Variants in TMEM132D observed in about 807,000 individuals in gnomAD.
TMEM132D encodes the protein transmembrane protein 132D.
A neutral mutation model predicts 62.3 loss-of-function variants in TMEM132D; 21 were observed. That is an observed-to-expected ratio of 0.34 (90% CI 0.24 to 0.49). TMEM132D has a LOEUF of 0.49. Ranked by LOEUF, TMEM132D falls within the 20% of genes least tolerant of loss-of-function variation. TMEM132D has a pLI of 0.99. For missense variants in TMEM132D, 1,346 were observed against 1,402.8 expected, an observed-to-expected ratio of 0.96 and a Z score of 0.65; for synonymous variants, 621 against 575.6, an observed-to-expected ratio of 1.08 and a Z score of -1.13.
At chr12:129,399,374 C>T (rs6144929) in intron 3 of TMEM132D, among the ~76,000 whole-genome samples, 22 of 46,458 alleles carry the variant, frequency 4.7e-4, no homozygotes, top group African/African-American at 9.2e-4. Flanking sequence ...CAATAGCTAA[C>T]CCACTCCCAT....
chr12:129,529,331 T>C (rs1313817675), intron 3 of TMEM132D, among the ~76,000 whole-genome samples: 1 of 152,232 alleles, frequency 6.6e-6, no homozygotes, highest in Admixed American at 6.5e-5. Context: ...ATAAATGGCA[T>C]CCACCATGCA....
chr12:129,304,058 C>T (rs1881785548), intron 4 of TMEM132D, among the ~76,000 whole-genome samples: 1 of 152,214 alleles, frequency 6.6e-6, no homozygotes, highest in African/African-American at 2.4e-5. Context: ...ATTCTAGTCT[C>T]TTCTAAGGAA....
intron 5 of TMEM132D, chr12:129,111,782 A>G (rs911248029): frequency 2.0e-5 from 3 of 152,186 alleles, no homozygotes; most frequent in African/African-American, 4.8e-5. Context: ...TAGCAATGCT[A>G]GACAGTAATC....
At chr12:129,122,171 T>C (rs1876085877) in intron 5 of TMEM132D, among the ~76,000 whole-genome samples, 1 of 152,176 alleles carries the variant, frequency 6.6e-6, no homozygotes, top group Admixed American at 6.5e-5. Context: ...TCACTGTAAA[T>C]TTAGCATGTG....
chr12:129,097,563 A>G (rs1875155234), intron 5 of TMEM132D, among the ~76,000 whole-genome samples: 1 of 152,378 alleles, frequency 6.6e-6, no homozygotes, highest in African/African-American at 2.4e-5. Context: ...TTATAGAGAA[A>G]TAACAGGAGA....
At chr12:129,400,832 C>G (rs896024899) in intron 3 of TMEM132D, among the ~76,000 whole-genome samples, 1 of 152,106 alleles carries the variant, frequency 6.6e-6, no homozygotes, top group African/African-American at 2.4e-5. Context: ...GGGAAAGCAA[C>G]CAATATCTTG....
At chr12:129,214,191 A>G (rs1016664392) in intron 4 of TMEM132D, among the ~76,000 whole-genome samples, 1 of 152,176 alleles carries the variant, frequency 6.6e-6, no homozygotes, top group Non-Finnish European at 1.5e-5. Context: ...TAGGGCCCTA[A>G]CTGAGTCTGC....
At chr12:129,684,068 A>T (rs564786378) in intron 2 of TMEM132D, among the ~76,000 whole-genome samples, 172 of 152,306 alleles carry the variant, frequency 1.1e-3, no homozygotes, top group Middle Eastern at 6.8e-3. Flanking sequence ...GACCATGAAG[A>T]ACTTTAGTTG....
chr12:129,834,083 T>G (rs1872927397), intron 1 of TMEM132D, among the ~76,000 whole-genome samples: 1 of 152,156 alleles, frequency 6.6e-6, no homozygotes, highest in African/African-American at 2.4e-5. Context: ...ATCTGCTCCA[T>G]AAGGGATTGT....
intron 1 of TMEM132D, among the ~76,000 whole-genome samples, chr12:129,722,683 C>A (rs1868881425): frequency 6.6e-6 from 1 of 151,908 alleles, no homozygotes; most frequent in Admixed American, 6.6e-5. Context: ...GCTGGAGAAC[C>A]AGAGTGATGA....
Position 129,484,451 on chromosome 12 carries a change from G to C in TMEM132D, c.1115+46608C>G, listed in dbSNP as rs191769132. On this transcript the variant is annotated intron_variant, in intron 3 of 8. Transcript: ENST00000422113. ...ATTCATATTTTTGCTCAGCAATTTTGTTTGCTATAAAATATCATCTCGTGC... is the reference window on the plus strand; with the variant it reads ...ATTCATATTTTTGCTCAGCAATTTTCTTTGCTATAAAATATCATCTCGTGC... 2.8e-4 allele frequency among the ~76,000 whole-genome samples: 43 copies of C among 152,260 alleles called. No individual in the cohort carries two copies. The East Asian group carries it at 8.3e-3, about 29-fold the overall frequency.
intron 1 of TMEM132D, among the ~76,000 whole-genome samples, chr12:129,762,919 G>A (rs988977883): frequency 1.3e-5 from 2 of 152,182 alleles, no homozygotes; most frequent in African/African-American, 4.8e-5. Flanking sequence ...CCTACACCCT[G>A]CTTGAAATGT....
intron 4 of TMEM132D, among the ~76,000 whole-genome samples, chr12:129,289,009 T>C (rs977958246): frequency 6.6e-6 from 1 of 152,140 alleles, no homozygotes; most frequent in South Asian, 2.1e-4. Flanking sequence ...AATTGTATTG[T>C]ATTATTTTAG....
At position 129,807,556 on chromosome 12, in the gene TMEM132D, T is replaced by A. The variant is rs138874974; in HGVS notation, c.79+95705A>T. Among the ~76,000 whole-genome samples, 183 of 152,372 alleles carry A rather than the reference T, an allele frequency of 1.2e-3. 1 individual carries two copies. The highest frequency in any genetic ancestry group is 4.0e-3 in the African/African-American group (167 of 41,586). On this transcript the variant is annotated intron_variant, in intron 1 of 8. Coordinates refer to ENST00000422113, the MANE Select transcript of TMEM132D (RefSeq NM_133448.3). ...TTCTCCTCTCTCTAAGATGCTCATG[T>A]ATAAACTGCTTATATTTGGCACTTG...
intron 1 of TMEM132D, among the ~76,000 whole-genome samples, chr12:129,821,088 G>A (rs1324414975): frequency 6.6e-6 from 1 of 152,112 alleles, no homozygotes; most frequent in Non-Finnish European, 1.5e-5. Context: ...CCATTTTAAA[G>A]CAACATTCTC....
intron 2 of TMEM132D, among the ~76,000 whole-genome samples, chr12:129,559,137 A>G (rs1037426508): frequency 2.0e-5 from 3 of 152,350 alleles, no homozygotes; most frequent in South Asian, 4.1e-4. Context: ...CTGTCAGCCC[A>G]TAAGGTTTTA....
At chr12:129,159,380 C>T (rs1877333049) in intron 5 of TMEM132D, among the ~76,000 whole-genome samples, 4 of 152,000 alleles carry the variant, frequency 2.6e-5, no homozygotes, top group Admixed American at 6.6e-5. Context: ...TTCATTTTTT[C>T]CTTTAACACG....
Position 129,245,697 on chromosome 12 carries a change from C to T in TMEM132D, c.1300-36034G>A, listed in dbSNP as rs187693477. Reference sequence around the variant, plus strand: ...CAGTGAGAGTGGCCAGCAGGGCAGGCCCCAGCACCGTGGTGGCTAAAAATG... The same window carrying T: ...CAGTGAGAGTGGCCAGCAGGGCAGGTCCCAGCACCGTGGTGGCTAAAAATG... On this transcript the variant is annotated intron_variant, in intron 4 of 8. Transcript: ENST00000422113. 5.0e-4 allele frequency among the ~76,000 whole-genome samples: 76 copies of T among 152,116 alleles called. No homozygotes were observed. The East Asian group carries it at 0.013, about 26-fold the overall frequency.
intron 3 of TMEM132D, among the ~76,000 whole-genome samples, chr12:129,376,821 G>C (rs571509478): frequency 6.6e-6 from 1 of 152,182 alleles, no homozygotes; most frequent in Non-Finnish European, 1.5e-5. Context: ...TCTTGTAAAC[G>C]TGTGTTAAAG....
Sources: allele counts gnomAD v4.1 joint callset (sites outside exome capture counted in the v4.1 genomes callset), GRCh38; gene constraint gnomAD v4.1.1; transcripts MANE v1.5; gene names NCBI Gene and HGNC (gene_info 2026-07-23, HGNC 2026-07-21).